The following BRWD1 variants were observed in gnomAD, a reference collection of about 807,000 sequenced individuals.
The protein encoded by BRWD1 is bromodomain and WD repeat domain containing 1.
BRWD1 carries 82 observed loss-of-function variants against 251.2 expected under a neutral mutation model. The ratio of observed to expected loss-of-function variants is 0.33; its 90% CI spans 0.27 to 0.39. BRWD1 has a LOEUF of 0.39. Ranked by LOEUF, BRWD1 falls within the 10% of genes least tolerant of loss-of-function variation. The pLI, the probability that BRWD1 is intolerant of heterozygous loss-of-function variation, is 1.00. For missense variants in BRWD1, 2,233 were observed against 2,711.6 expected (o/e 0.82, Z 3.92); for synonymous variants, 918 against 902.8 (o/e 1.02, Z -0.30).
At chr21:39,272,715 C>G (rs2035158559) in intron 13 of BRWD1, among the ~76,000 whole-genome samples, 1 of 149,514 alleles carries the variant, frequency 6.7e-6, no homozygotes, top group Non-Finnish European at 1.5e-5. Context: ...TCAACTGATT[C>G]TCCTGCTTTA....
chr21:39,318,092 G>A (rs995447328), upstream of BRWD1, among the ~76,000 whole-genome samples: 1 of 152,020 alleles, frequency 6.6e-6, no homozygotes, highest in Non-Finnish European at 1.5e-5. Flanking sequence ...TTAAGAATTT[G>A]CCTAAAAATG....
chr21:39,248,641 CAAAAAAAAAAAAAAAAAAAAAAAAA>C (rs375430016), intron 20 of BRWD1, among the ~76,000 whole-genome samples: 1 of 83,284 alleles, frequency 1.2e-5, no homozygotes, highest in East Asian at 4.0e-4. Flanking sequence ...CCCTATCTCC[CAAAAAAAAAAAAAAAAAAAAAAAAA>C]AAAAAAAAAA....
At chr21:39,249,151 A>G (rs2034306562) in intron 20 of BRWD1, among the ~76,000 whole-genome samples, 1 of 152,216 alleles carries the variant, frequency 6.6e-6, no homozygotes, top group Non-Finnish European at 1.5e-5. Flanking sequence ...CTTACAAGTG[A>G]GAGCCAAGCA....
At chr21:39,313,952 C>G (rs1290797219), upstream of BRWD1, 1 of 347,016 alleles carries the variant, frequency 2.9e-6, no homozygotes, top group Admixed American at 3.8e-5. Flanking sequence ...GTGCCGGGGG[C>G]GGAAGCGCGG....
At chr21:39,242,433 G>A (rs949509804) in intron 21 of BRWD1, among the ~76,000 whole-genome samples, 4 of 152,184 alleles carry the variant, frequency 2.6e-5, no homozygotes, top group African/African-American at 9.7e-5. Context: ...GCAGAGGTTG[G>A]TTCATGAGGT....
rs1360228867 is a variant in BRWD1, at chr21:39,313,533, G to C, written c.-42C>G. 3.8e-6 allele frequency: 5 copies of C among 1,325,972 alleles called. No individual in the cohort carries two copies. Among genetic ancestry groups the C allele is most frequent in the Non-Finnish European group, 4.8e-6 (5 of 1,044,366 alleles). The allele number at this position is 1,325,972 out of a possible 1,614,324, so 82.1% of individuals were successfully genotyped here. On this transcript the variant is annotated 5_prime_UTR_variant, in exon 1 of 41. Transcript: ENST00000342449. The stretch of plus-strand genomic sequence containing the variant: ...GGAGGCGGGAGCGAGCGAGCGAGCG[G>C]AGCGTGTAGGCCGCGCCGAGGCCTG...
At position 39,197,350 on chromosome 21, in the gene BRWD1, A is replaced by G; in HGVS notation, c.5719T>C (p.Ser1907Pro). ...TTAACCACCTGTAAACTACTGTCTG[A>G]GTCACTGGAACAGACCCTTTTCCTG... ...ISRKRVCSSD[S>P]DSSLQVVKKS... The change falls in exon 41 of 41, where the codon TCA becomes CCA. Residue 1907 changes from serine (S) to proline (P), a missense_variant. Transcript: ENST00000342449. 6.2e-7 allele frequency: 1 copy of G among 1,613,820 alleles called. No individual in the cohort carries two copies. Among genetic ancestry groups the G allele is most frequent in the Non-Finnish European group, 8.5e-7 (1 of 1,179,874 alleles).
rs9978384 is a variant in BRWD1 at position 39,292,009 on chromosome 21, C to T, written c.831+1802G>A. 4.2e-3 allele frequency among the ~76,000 whole-genome samples: 633 copies of T among 151,630 alleles called. 1 individual carries two copies. The highest frequency in any genetic ancestry group is 7.9e-3 in the Non-Finnish European group (535 of 67,954). ...TCACCCAGGCTGGAATGCACTGGTG[C>T]GATAACGGCTCACTGCAGCCTCAAC... On this transcript the variant is annotated intron_variant, in intron 8 of 40. Transcript: ENST00000342449.
At chr21:39,260,175 G>A (rs2034695025) in intron 17 of BRWD1, among the ~76,000 whole-genome samples, 1 of 152,164 alleles carries the variant, frequency 6.6e-6, no homozygotes, top group Non-Finnish European at 1.5e-5. Flanking sequence ...AAAAAGATAA[G>A]AAGATTTTAA....
intron 36 of BRWD1, among the ~76,000 whole-genome samples, chr21:39,206,560 C>CTTAG (rs2032399849): frequency 1.3e-5 from 2 of 152,334 alleles, no homozygotes; most frequent in South Asian, 4.1e-4. Context: ...CCTATTCTAA[C>CTTAG]ATCTGTATGT....
At position 39,228,521 on chromosome 21, in the gene BRWD1, T is replaced by G; in HGVS notation, c.3187A>C (p.Arg1063=). 6.2e-7 allele frequency: 1 copy of G among 1,612,948 alleles called. No homozygotes were observed. The highest frequency in any genetic ancestry group is 8.5e-7 in the Non-Finnish European group (1 of 1,179,140). The part of the protein sequence containing the change: ...LVLRQFYDEA[R]QRNWQSCDRF... ...TTACAAGACTGCCAATTCCTCTGTC[T>G]TGCTTCATCATAAAATTGACGCAAT... The change falls in exon 27 of 41, where the codon AGA becomes CGA. Residue 1063 remains arginine (R), a synonymous_variant. Transcript: ENST00000342449.
At position 39,202,473 on chromosome 21, in the gene BRWD1, A is replaced by G. The variant is rs1568860786; in HGVS notation, c.4437T>C (p.Ser1479=). Residue 1479 remains serine (S), a synonymous_variant, in exon 38 of 41, where the codon TCT becomes TCC. Coordinates refer to ENST00000342449, the MANE Select transcript of BRWD1 (RefSeq NM_033656.4). ...CAAGATAAGCTGTCCTACTTGAGGT[A>G]GACTGGGTAGGAGAACCTACCAACT... ...IPELVGSPTQ[S]TSSRTAYLGT... The G allele has an allele frequency of 3.1e-6, 5 of 1,614,002 alleles. No individual in the cohort carries two copies. The highest frequency in any genetic ancestry group is 1.3e-5 in the African/African-American group (1 of 74,952).
Position 39,195,891 on chromosome 21 carries a change from T to C in BRWD1, c.*368A>G. 1.0e-6 allele frequency: 1 copy of C among 1,003,906 alleles called. No individual in the cohort carries two copies. The highest frequency in any genetic ancestry group is 1.2e-6 in the Non-Finnish European group (1 of 842,770). 62.2% of individuals were successfully genotyped at this position (1,003,906 alleles called of 1,614,324 possible). On this transcript the variant is annotated 3_prime_UTR_variant, in exon 41 of 41. Coordinates refer to ENST00000342449, the MANE Select transcript of BRWD1 (RefSeq NM_033656.4). ...CTATAGAACAGGGGTTAGAAACTAC[T>C]GCCTCTTTGACAAATTCAGAAAATA...
intron 4 of BRWD1, 130 bp from the exon 5 acceptor site, chr21:39,298,712 G>C (rs1362926844): frequency 1.5e-6 from 1 of 685,680 alleles, no homozygotes; most frequent in East Asian, 3.2e-5. Context: ...AGAAATTAAA[G>C]ACGACTTAAA....
chr21:39,294,161 T>TA, intron 7 of BRWD1, 129 bp from the exon 8 acceptor site: 1 of 718,610 alleles, frequency 1.4e-6, no homozygotes, highest in Non-Finnish European at 2.3e-6. Context: ...CTTATTTATG[T>TA]AATAAATTAT....
intron 21 of BRWD1, among the ~76,000 whole-genome samples, chr21:39,247,438 T>C (rs998220425): frequency 6.6e-6 from 1 of 152,212 alleles, no homozygotes; most frequent in Non-Finnish European, 1.5e-5. Flanking sequence ...CATGTTTATA[T>C]ACAGAAAGTT....
At chr21:39,281,123 C>T (rs1348785676) in intron 8 of BRWD1, among the ~76,000 whole-genome samples, 1 of 152,166 alleles carries the variant, frequency 6.6e-6, no homozygotes, top group East Asian at 1.9e-4. Flanking sequence ...GTGTTCATTT[C>T]TCAAAGTCAT....
At chr21:39,295,721 C>A (rs2035944978) in intron 7 of BRWD1, 22 bp downstream of exon 7, 2 of 1,529,370 alleles carry the variant, frequency 1.3e-6, no homozygotes, top group South Asian at 1.3e-5. Context: ...GACATCAAAT[C>A]AAGTTTAAAA....
intron 18 of BRWD1, among the ~76,000 whole-genome samples, chr21:39,256,662 CAG>C (rs2034572001): frequency 6.6e-6 from 1 of 152,184 alleles, no homozygotes. Flanking sequence ...CTGGAAGCCA[CAG>C]AGAGACTAGC....
Sources: allele counts gnomAD v4.1 joint callset (sites outside exome capture counted in the v4.1 genomes callset), GRCh38; gene constraint gnomAD v4.1.1; transcripts MANE v1.5; gene names NCBI Gene and HGNC (gene_info 2026-07-23, HGNC 2026-07-21).